PLCG2: variants seen among roughly 807,000 people sequenced by gnomAD.
PLCG2 encodes the protein phospholipase C gamma 2, also known as 1-phosphatidylinositol 4,5-bisphosphate phosphodiesterase gamma-2.
PLCG2 carries 69 observed loss-of-function variants against 175.6 expected under a neutral mutation model. The observed-to-expected ratio is 0.39, with a 90% confidence interval of 0.32 to 0.48. The LOEUF is 0.48. Among genes scored for constraint, PLCG2 ranks in the 20% least tolerant of loss-of-function variants. PLCG2 has a pLI of 0.91. For missense variants in PLCG2, 1,798 were observed against 1,650.9 expected, an observed-to-expected ratio of 1.09 and a Z score of -1.54; for synonymous variants, 827 against 624.0, an observed-to-expected ratio of 1.33 and a Z score of -4.85.
intron 25 of PLCG2, among the ~76,000 whole-genome samples, chr16:81,932,760 G>A (rs1302094906): frequency 3.3e-5 from 5 of 152,186 alleles, no homozygotes; most frequent in African/African-American, 9.7e-5. Flanking sequence ...GTGGGGCATC[G>A]TCTTTCTCTG....
chr16:81,774,248 G>T (rs991278794), intron 2 of PLCG2, among the ~76,000 whole-genome samples: 3 of 150,352 alleles, frequency 2.0e-5, no homozygotes, highest in Admixed American at 2.0e-4. Flanking sequence ...TACTCAGGAG[G>T]CTAAGGCACA....
At chr16:81,762,826 G>A (rs1176341757) in intron 2 of PLCG2, among the ~76,000 whole-genome samples, 3 of 152,212 alleles carry the variant, frequency 2.0e-5, no homozygotes, top group Non-Finnish European at 2.9e-5. Flanking sequence ...GGGTGGCCAA[G>A]GCAGGAGGAT....
chr16:81,914,510 C>T lies in PLCG2; in HGVS notation c.2054+1794C>T, dbSNP rs531757912. Among the ~76,000 whole-genome samples the T allele has an allele frequency of 5.3e-5, 8 of 152,264 alleles. No homozygotes were observed. In the South Asian group the frequency reaches 8.3e-4, roughly 16 times the overall value. On this transcript the variant is annotated intron_variant, in intron 19 of 32. Transcript: ENST00000564138. ...AGGTTGATTGCCTGACTTACATACA[C>T]GCCCCATTCAGTTTGTGAGCTTGTC...
intron 2 of PLCG2, among the ~76,000 whole-genome samples, chr16:81,807,687 G>A (rs907907022): frequency 6.6e-5 from 10 of 152,090 alleles, no homozygotes; most frequent in African/African-American, 2.4e-4. Flanking sequence ...CTGTTCTCAC[G>A]GCTATAAAGA....
At chr16:81,800,610 T>C (rs1911676634) in intron 2 of PLCG2, among the ~76,000 whole-genome samples, 1 of 152,166 alleles carries the variant, frequency 6.6e-6, no homozygotes, top group Admixed American at 6.5e-5. Flanking sequence ...TTATCCAGTC[T>C]ATTGTTGATG....
At chr16:81,880,021 C>G (rs1908000742) in intron 7 of PLCG2, among the ~76,000 whole-genome samples, 2 of 152,188 alleles carry the variant, frequency 1.3e-5, no homozygotes, top group Non-Finnish European at 2.9e-5. Flanking sequence ...GGGAGCATCT[C>G]TTGAGGCCAG....
intron 7 of PLCG2, among the ~76,000 whole-genome samples, chr16:81,873,541 TTGCAAATAACAG>T (rs1192100163): frequency 6.6e-5 from 10 of 151,696 alleles, no homozygotes; most frequent in Non-Finnish European, 1.5e-4. Flanking sequence ...AGATAAGTAG[TTGCAAATAACAG>T]TTTTTTTTTT....
At chr16:81,943,991 A>G (rs1161428492) in intron 30 of PLCG2, among the ~76,000 whole-genome samples, 2 of 152,218 alleles carry the variant, frequency 1.3e-5, no homozygotes. Flanking sequence ...GAAGAGAACA[A>G]AAGAGGACAA....
chr16:81,806,128 GT>G (rs141161130), intron 2 of PLCG2, among the ~76,000 whole-genome samples: 23,124 of 151,986 alleles, frequency 0.15, 2,252 homozygotes, highest in Non-Finnish European at 0.23. Flanking sequence ...TCCAGTGTGT[GT>G]TTTATACCTA....
At chr16:81,870,188 A>G (rs1907446550) in intron 6 of PLCG2, among the ~76,000 whole-genome samples, 1 of 152,228 alleles carries the variant, frequency 6.6e-6, no homozygotes, top group Non-Finnish European at 1.5e-5. Flanking sequence ...ATTGATTGCT[A>G]CACAGTTGCC....
At chr16:81,796,880 G>C (rs1025707898) in intron 2 of PLCG2, among the ~76,000 whole-genome samples, 7 of 152,154 alleles carry the variant, frequency 4.6e-5, no homozygotes, top group Admixed American at 2.0e-4. Flanking sequence ...TCCAATTTTT[G>C]GTATTTCATG....
rs193291568 is a variant in PLCG2 at position 81,794,530 on chromosome 16, G to A, written c.193+8348G>A. On this transcript the variant is annotated intron_variant, in intron 2 of 32. Transcript: ENST00000564138. Reference sequence around the variant, plus strand: ...GTATGCGGTGATGGTATAAAGAAGGGCTGTCAAATCCTGGTCCTGCACTTG... The same window carrying A: ...GTATGCGGTGATGGTATAAAGAAGGACTGTCAAATCCTGGTCCTGCACTTG... Among the ~76,000 whole-genome samples the A allele has an allele frequency of 5.5e-3, 839 of 152,198 alleles. 7 individuals are homozygous for A. The highest frequency in any genetic ancestry group is 0.018 in the African/African-American group (757 of 41,524).
chr16:81,907,657 G>A (rs1414812352), intron 15 of PLCG2, 28 bp from the exon 16 acceptor site: 1 of 1,546,078 alleles, frequency 6.5e-7, no homozygotes, highest in South Asian at 1.1e-5. Flanking sequence ...AGGACTTGGG[G>A]GGCACTAATA....
chr16:81,941,987 A>G (rs935131230), intron 30 of PLCG2, among the ~76,000 whole-genome samples: 1 of 152,184 alleles, frequency 6.6e-6, no homozygotes, highest in Non-Finnish European at 1.5e-5. Context: ...CTTCTTTTAG[A>G]TTAGTCTAAT....
chr16:81,756,305 C>G (rs967356693), intron 2 of PLCG2, among the ~76,000 whole-genome samples: 1 of 152,222 alleles, frequency 6.6e-6, no homozygotes, highest in Non-Finnish European at 1.5e-5. Context: ...CTATGCCGGG[C>G]TATTATTGTC....
At chr16:81,955,397 C>G (rs1325799482) in intron 31 of PLCG2, among the ~76,000 whole-genome samples, 1 of 152,162 alleles carries the variant, frequency 6.6e-6, no homozygotes, top group East Asian at 1.9e-4. Context: ...ACTTGACCCT[C>G]CTGCAAAGCC....
At chr16:81,778,258 T>C (rs1910544210), upstream of PLCG2, among the ~76,000 whole-genome samples, 1 of 151,910 alleles carries the variant, frequency 6.6e-6, no homozygotes, top group South Asian at 2.1e-4. Flanking sequence ...TAGTCCCAGC[T>C]CTTCAGGAGG....
At chr16:81,832,865 A>T (rs1390124157) in intron 2 of PLCG2, among the ~76,000 whole-genome samples, 1 of 152,176 alleles carries the variant, frequency 6.6e-6, no homozygotes, top group Non-Finnish European at 1.5e-5. Flanking sequence ...ATAAGAGAGC[A>T]GGCTAAGTGC....
At chr16:81,781,891 A>C (rs1458530186) in intron 1 of PLCG2, among the ~76,000 whole-genome samples, 1 of 114,194 alleles carries the variant, frequency 8.8e-6, no homozygotes, top group African/African-American at 3.2e-5. Context: ...CCCGCCCCCG[A>C]GACGGAGTCT....
Sources: gnomAD v4.1 joint callset for allele counts (sites outside exome capture counted in the v4.1 genomes callset) on GRCh38, gnomAD v4.1.1 for gene constraint, MANE v1.5 for transcripts, NCBI Gene and HGNC (gene_info 2026-07-23, HGNC 2026-07-21) for gene names.